Variants in TRMT9B observed in about 807,000 individuals in gnomAD.
TRMT9B encodes probable tRNA methyltransferase 9B.
Under a neutral mutation model 11.5 loss-of-function variants are expected in TRMT9B, and 16 were observed. The observed-to-expected ratio is 1.39, with a 90% CI of 0.94 to 2.11. The LOEUF (loss-of-function observed/expected upper bound fraction) is 2.11, where lower values mean the gene tolerates loss of function less well. Among genes scored for constraint, TRMT9B ranks in the 30% most tolerant of loss-of-function variants. The probability of loss-of-function intolerance (pLI) is 0.00; values close to 1 mark genes in which losing one functional copy is unlikely to be tolerated. For missense variants in TRMT9B, 941 were observed against 553.8 expected, an observed-to-expected ratio of 1.70 and a Z score of -7.02; for synonymous variants, 274 against 192.4, an observed-to-expected ratio of 1.42 and a Z score of -3.51.
At position 13,028,522 on chromosome 8, in the gene TRMT9B, A is replaced by C. The variant is rs1414886560; in HGVS notation, c.*6478A>C. The C allele has an allele frequency of 1.2e-5, 2 of 166,410 alleles. No homozygotes were observed. Among genetic ancestry groups the C allele is most frequent in the Non-Finnish European group, 2.9e-5 (2 of 68,076 alleles). The allele number at this position is 166,410 out of a possible 1,614,324, so 10.3% of individuals were successfully genotyped here. ...CTGAAGAAGGTACAATTATATTTAC[A>C]TTCCCTTAGCAAGAATTTGGCTAAG... On this transcript the variant is annotated 3_prime_UTR_variant, in exon 5 of 5. Coordinates refer to ENST00000524591, the MANE Select transcript of TRMT9B (RefSeq NM_020844.3).
Position 12,991,019 on chromosome 8 carries a change from C to G in TRMT9B, c.-14C>G, listed in dbSNP as rs1807237440. 1 of 1,262,186 alleles carries G rather than the reference C, an allele frequency of 7.9e-7. No individual in the cohort carries two copies. The highest frequency in any genetic ancestry group is 5.6e-5 in the East Asian group (1 of 17,856). The allele number at this position is 1,262,186 out of a possible 1,614,324, so 78.2% of individuals were successfully genotyped here. A position where few individuals can be genotyped will look rare whatever the true frequency, so the allele number is the denominator to read the frequency against. ...ACAAGAGGTAATTTTCCTGTAATCA[C>G]AGGATGACTCAGGTTAGTAGCTTTC... On this transcript the variant is annotated 5_prime_UTR_variant, in exon 2 of 5. Transcript: ENST00000524591.
intron 1 of TRMT9B, among the ~76,000 whole-genome samples, chr8:12,966,152 C>CG (rs1802786955): frequency 1.4e-5 from 2 of 145,322 alleles, no homozygotes; most frequent in African/African-American, 2.5e-5. Flanking sequence ...ATAGTAAGAC[C>CG]CCCCCCATCT....
At chr8:12,976,772 G>C (rs1376399257) in intron 1 of TRMT9B, among the ~76,000 whole-genome samples, 3 of 152,170 alleles carry the variant, frequency 2.0e-5, no homozygotes, top group African/African-American at 7.2e-5. Context: ...ACCATCCTTA[G>C]CCTGAAAGGG....
intron 3 of TRMT9B, among the ~76,000 whole-genome samples, chr8:13,008,921 A>G (rs1055202881): frequency 5.7e-4 from 86 of 151,964 alleles, no homozygotes; most frequent in African/African-American, 2.0e-3. Flanking sequence ...GTAGAGACGG[A>G]GTTTCACCGT....
At chr8:13,014,306 G>C (rs942690469) in intron 4 of TRMT9B, among the ~76,000 whole-genome samples, 15 of 152,208 alleles carry the variant, frequency 9.9e-5, no homozygotes, top group African/African-American at 3.1e-4. Context: ...AAATACCATA[G>C]ACTTCGCTTA....
chr8:13,005,520 G>T (rs1810298106), intron 2 of TRMT9B, among the ~76,000 whole-genome samples: 1 of 152,082 alleles, frequency 6.6e-6, no homozygotes, highest in South Asian at 2.1e-4. Flanking sequence ...TTGCATGCCT[G>T]TATCAAAACA....
At chr8:12,966,192 G>T (rs575250807) in intron 1 of TRMT9B, among the ~76,000 whole-genome samples, 1 of 152,100 alleles carries the variant, frequency 6.6e-6, no homozygotes, top group East Asian at 1.9e-4. Flanking sequence ...CAGTAGCCTG[G>T]CATGGTGACC....
intron 1 of TRMT9B, chr8:12,970,015 G>A (rs1803371409): frequency 1.3e-5 from 2 of 152,056 alleles, no homozygotes; most frequent in Admixed American, 1.3e-4. Flanking sequence ...ATTGGTCCGT[G>A]TGGAACTCAG....
intron 3 of TRMT9B, chr8:13,007,238 A>G (rs1293957879): frequency 6.6e-6 from 1 of 152,158 alleles, no homozygotes; most frequent in Non-Finnish European, 1.5e-5. Context: ...TAATTATTCT[A>G]TAGGTGTTTC....
At chr8:13,006,576 C>A (rs1810521086) in intron 3 of TRMT9B, 5 of 1,421,440 alleles carry the variant, frequency 3.5e-6, no homozygotes, top group Non-Finnish European at 4.6e-6. Context: ...GAAATTGCAC[C>A]CTTGGCATGC....
chr8:12,947,726 A>G (rs1455810832), intron 1 of TRMT9B, among the ~76,000 whole-genome samples: 1 of 152,270 alleles, frequency 6.6e-6, no homozygotes. Context: ...AAATGCCATA[A>G]CTTAAGAGAC....
Position 13,021,611 on chromosome 8 carries a change from T to A in TRMT9B, c.932T>A (p.Val311Glu). Residue 311 changes from valine (V) to glutamate (E), a missense_variant, in exon 5 of 5, where the codon GTG becomes GAG. Val to Glu is a moderately radical substitution (Grantham distance 121). Coordinates refer to ENST00000524591, the MANE Select transcript of TRMT9B (RefSeq NM_020844.3). Reference sequence around the variant, plus strand: ...AAAGGGCAAAGTTTAGATGAGGAAGTGTTTGTGGAATCTTCTTCTGGAAAA... The same window carrying A: ...AAAGGGCAAAGTTTAGATGAGGAAGAGTTTGTGGAATCTTCTTCTGGAAAA... ...STKGQSLDEE[V>E]FVESSSGKHL... 1.2e-6 allele frequency: 2 copies of A among 1,613,794 alleles called. No individual in the cohort carries two copies. The highest frequency in any genetic ancestry group is 1.7e-6 in the Non-Finnish European group (2 of 1,179,818).
Position 13,025,308 on chromosome 8 carries a change from C to T in TRMT9B, c.*3264C>T, listed in dbSNP as rs913388628. On this transcript the variant is annotated 3_prime_UTR_variant, in exon 5 of 5. Transcript: ENST00000524591. ...CTGAGGTGGGTGGATCAGCTGAGGT[C>T]AGGAGTTTGAGACCAGCCTGACCAA... 1 of 166,484 alleles carries T rather than the reference C, an allele frequency of 6.0e-6. No individual in the cohort carries two copies. The highest frequency in any genetic ancestry group is 1.5e-5 in the Non-Finnish European group (1 of 68,208). The allele number at this position is 166,484 out of a possible 1,614,324, so 10.3% of individuals were successfully genotyped here. A position where few individuals can be genotyped will look rare whatever the true frequency, so the allele number is the denominator to read the frequency against.
rs182496317 is a variant in TRMT9B at position 13,022,121 on chromosome 8, G to A, written c.*77G>A. 88 of 1,020,666 alleles carry A rather than the reference G, an allele frequency of 8.6e-5. No individual in the cohort carries two copies. In the African/African-American group the frequency reaches 1.3e-3, roughly 15 times the overall value. 63.2% of individuals were successfully genotyped at this position (1,020,666 alleles called of 1,614,324 possible). On this transcript the variant is annotated 3_prime_UTR_variant, in exon 5 of 5. Transcript: ENST00000524591. The stretch of plus-strand genomic sequence containing the variant: ...TGGTTTGATATGGTTACCTGAATTT[G>A]CATTCAGTGTTATTTGTTAATCCAT...
chr8:12,982,780 C>T (rs1563356660), intron 1 of TRMT9B, among the ~76,000 whole-genome samples: 1 of 151,994 alleles, frequency 6.6e-6, no homozygotes, highest in Non-Finnish European at 1.5e-5. Context: ...TTTGAGTGAC[C>T]ACATGATGCC....
rs969748986 is a variant in TRMT9B at position 13,023,804 on chromosome 8, T to C, written c.*1760T>C. ...TGTGCTATAACTTAAAATAATGATG[T>C]TACTTTTGAACAAACTTAAAGAAAT... On this transcript the variant is annotated 3_prime_UTR_variant, in exon 5 of 5. Coordinates refer to ENST00000524591, the MANE Select transcript of TRMT9B (RefSeq NM_020844.3). 2 of 166,608 alleles carry C rather than the reference T, an allele frequency of 1.2e-5. No individual in the cohort carries two copies. Among genetic ancestry groups the C allele is most frequent in the African/African-American group, 4.8e-5 (2 of 41,460 alleles). The allele number at this position is 166,608 out of a possible 1,614,324, so 10.3% of individuals were successfully genotyped here. A position where few individuals can be genotyped will look rare whatever the true frequency, so the allele number is the denominator to read the frequency against.
intron 1 of TRMT9B, among the ~76,000 whole-genome samples, chr8:12,977,764 C>G (rs777455470): frequency 6.6e-6 from 1 of 151,770 alleles, no homozygotes; most frequent in Non-Finnish European, 1.5e-5. Flanking sequence ...TCTGTAATCT[C>G]AACACTTTGG....
intron 1 of TRMT9B, chr8:12,959,991 A>C (rs1801871133): frequency 6.6e-6 from 1 of 152,226 alleles, no homozygotes; most frequent in East Asian, 1.9e-4. Context: ...AGTGTCAAGA[A>C]CATACGTGCA....
At position 13,022,152 on chromosome 8, in the gene TRMT9B, C is replaced by A. The variant is rs894156994; in HGVS notation, c.*108C>A. The A allele has an allele frequency of 6.3e-6, 5 of 794,170 alleles. No individual in the cohort carries two copies. The Admixed American group carries it at 9.7e-5, about 15-fold the overall frequency. 49.2% of individuals were successfully genotyped at this position (794,170 alleles called of 1,614,324 possible). On this transcript the variant is annotated 3_prime_UTR_variant, in exon 5 of 5. Coordinates refer to ENST00000524591, the MANE Select transcript of TRMT9B (RefSeq NM_020844.3). ...AGTGTTATTTGTTAATCCATTTACG[C>A]TTTGGTCTGCAGAGACTATTAATTA...
Sources: gnomAD v4.1 joint callset for allele counts (sites outside exome capture counted in the v4.1 genomes callset) on GRCh38, gnomAD v4.1.1 for gene constraint, MANE v1.5 for transcripts, NCBI Gene and HGNC (gene_info 2026-07-23, HGNC 2026-07-21) for gene names.